Variants in RNF170 observed in about 807,000 individuals in gnomAD.
The protein encoded by RNF170 is E3 ubiquitin-protein ligase RNF170.
RNF170 carries 12 observed loss-of-function variants against 32.7 expected under a neutral mutation model. The observed-to-expected ratio is 0.37, with a 90% confidence interval of 0.24 to 0.60. The LOEUF is 0.60. Ranked by LOEUF, RNF170 falls within the 20% of genes least tolerant of loss-of-function variation. RNF170 has a pLI of 0.72. For synonymous variants in RNF170, 91 were observed against 103.6 expected (o/e 0.88, Z 0.74); for missense variants, 212 against 311.2 (o/e 0.68, Z 2.40).
chr8:42,889,143 A>G (rs1806086470), intron 1 of RNF170, among the ~76,000 whole-genome samples: 1 of 152,226 alleles, frequency 6.6e-6, no homozygotes, highest in Non-Finnish European at 1.5e-5. Flanking sequence ...GTGCTTGAAA[A>G]ACTATTTGTC....
At chr8:42,889,850 A>C (rs1352583493) in intron 1 of RNF170, among the ~76,000 whole-genome samples, 1 of 152,174 alleles carries the variant, frequency 6.6e-6, no homozygotes, top group Admixed American at 6.5e-5. Flanking sequence ...TTAGGTTTTT[A>C]TTTCATCAGG....
chr8:42,859,462 C>G (rs1180717820), intron 6 of RNF170, among the ~76,000 whole-genome samples: 1 of 151,914 alleles, frequency 6.6e-6, no homozygotes, highest in African/African-American at 2.4e-5. Context: ...TGGCAAAACC[C>G]AGTCTCTATA....
intron 4 of RNF170, among the ~76,000 whole-genome samples, chr8:42,868,727 CT>C (rs1393886029): frequency 1.3e-5 from 2 of 151,906 alleles, no homozygotes; most frequent in African/African-American, 4.8e-5. Context: ...TGGCAGGCGC[CT>C]GTAATCCTAG....
intron 6 of RNF170, among the ~76,000 whole-genome samples, chr8:42,856,741 A>C (rs929694733): frequency 1.3e-5 from 2 of 152,202 alleles, no homozygotes; most frequent in African/African-American, 4.8e-5. Flanking sequence ...CCTAGCGCGC[A>C]GGATTAGAGT....
Position 42,856,351 on chromosome 8 carries a change from GA to G in RNF170, c.584del (p.Phe195SerfsTer8). ...FREMFSVGGL[F>X]WMFRIRIILC... Reference sequence around the variant, plus strand: ...GTATTATCCTGATGCGAAACATCCAGAAAAGGCCCCCGACTGAAAACATTTC... The same window carrying G: ...GTATTATCCTGATGCGAAACATCCAGAAAGGCCCCCGACTGAAAACATTTC... On this transcript the variant is annotated frameshift_variant, in exon 7 of 7. Coordinates refer to ENST00000527424, the MANE Select transcript of RNF170 (RefSeq NM_030954.4). LOFTEE classifies it high-confidence loss of function. The G allele has an allele frequency of 1.9e-6, 3 of 1,593,780 alleles. No homozygotes were observed. Among genetic ancestry groups the G allele is most frequent in the Admixed American group, 1.9e-5 (1 of 53,732 alleles).
chr8:42,878,419 T>G (rs1805125110), intron 2 of RNF170, among the ~76,000 whole-genome samples: 1 of 152,146 alleles, frequency 6.6e-6, no homozygotes, highest in Admixed American at 6.6e-5. Context: ...GCAAAACAGC[T>G]TTATTGCTGA....
Position 42,854,497 on chromosome 8 carries a change from T to C in RNF170, c.*1662A>G. ...AATGAAAAGTATGTGAGAAACCTGC[T>C]TTAATTATAATGTGCTATGTTTAAG... On this transcript the variant is annotated 3_prime_UTR_variant, in exon 7 of 7. Transcript: ENST00000527424. 1 of 1,286,938 alleles carries C rather than the reference T, an allele frequency of 7.8e-7. No individual in the cohort carries two copies. Among genetic ancestry groups the C allele is most frequent in the Non-Finnish European group, 1.0e-6 (1 of 988,402 alleles). 79.7% of individuals were successfully genotyped at this position (1,286,938 alleles called of 1,614,324 possible).
chr8:42,889,190 T>C (rs1314807895), intron 1 of RNF170: 1 of 152,232 alleles, frequency 6.6e-6, no homozygotes, highest in Non-Finnish European at 1.5e-5. Flanking sequence ...TTCAGAATTC[T>C]TTGAACTGCT....
intron 1 of RNF170, among the ~76,000 whole-genome samples, chr8:42,890,606 T>C (rs983985512): frequency 6.6e-6 from 1 of 152,208 alleles, no homozygotes. Flanking sequence ...TATTGCTTCA[T>C]GTACATTTCC....
At chr8:42,883,279 A>C (rs982021786) in intron 2 of RNF170, among the ~76,000 whole-genome samples, 2 of 152,024 alleles carry the variant, frequency 1.3e-5, no homozygotes, top group African/African-American at 4.8e-5. Flanking sequence ...CTGCACACAC[A>C]CCCCCAAAAT....
chr8:42,860,970 G>A (rs1249873322), intron 6 of RNF170, among the ~76,000 whole-genome samples: 5 of 149,242 alleles, frequency 3.4e-5, no homozygotes, highest in African/African-American at 9.9e-5. Flanking sequence ...CACCCGCCTC[G>A]GCCTCCCAAA....
chr8:42,879,704 C>A (rs1805232344), intron 2 of RNF170, among the ~76,000 whole-genome samples: 1 of 151,554 alleles, frequency 6.6e-6, no homozygotes, highest in African/African-American at 2.4e-5. Context: ...GACAGAGTCT[C>A]ACCCTGTTGC....
chr8:42,852,569 C>A (rs913456669), downstream of RNF170, among the ~76,000 whole-genome samples: 9 of 152,034 alleles, frequency 5.9e-5, no homozygotes, highest in Non-Finnish European at 8.8e-5. Context: ...AGGTGCGTGC[C>A]ACCACACCTG....
intron 6 of RNF170, 43 bp from the exon 7 acceptor site, chr8:42,856,471 T>C (rs1231795261): frequency 1.0e-5 from 14 of 1,359,392 alleles, no homozygotes; most frequent in Non-Finnish European, 1.5e-5. Context: ...GCACCTAATG[T>C]GTCAGATTTC....
chr8:42,853,740 T>G lies in RNF170; in HGVS notation c.*2419A>C. ...AAAACTCTCAGATCCCTTCTGCATT[T>G]ATCATCAGAGATCGGTAAAGATGAC... On this transcript the variant is annotated 3_prime_UTR_variant, in exon 7 of 7. Transcript: ENST00000527424. 7.8e-7 allele frequency: 1 copy of G among 1,287,228 alleles called. No individual in the cohort carries two copies. The highest frequency in any genetic ancestry group is 1.0e-6 in the Non-Finnish European group (1 of 988,662). The allele number at this position is 1,287,228 out of a possible 1,614,324, so 79.7% of individuals were successfully genotyped here. A position where few individuals can be genotyped will look rare whatever the true frequency, so the allele number is the denominator to read the frequency against.
At chr8:42,888,518 T>C (rs890713659) in intron 1 of RNF170, among the ~76,000 whole-genome samples, 3 of 151,302 alleles carry the variant, frequency 2.0e-5, no homozygotes, top group African/African-American at 7.3e-5. Flanking sequence ...ATCCCAGCAT[T>C]ATGGGAGGCT....
intron 3 of RNF170, 142 bp from the exon 4 acceptor site, chr8:42,870,254 T>G: frequency 1.4e-6 from 1 of 708,024 alleles, no homozygotes; most frequent in South Asian, 1.5e-5. Context: ...AAGGTTATAA[T>G]TTTAAGAATG....
intron 2 of RNF170, among the ~76,000 whole-genome samples, chr8:42,881,825 C>G (rs1037029315): frequency 2.6e-5 from 4 of 151,934 alleles, no homozygotes; most frequent in South Asian, 2.1e-4. Context: ...ATCCCAGCTA[C>G]CCGGGAGGCT....
intron 1 of RNF170, among the ~76,000 whole-genome samples, chr8:42,895,502 C>CTCT (rs1806719334): frequency 6.6e-6 from 1 of 152,164 alleles, no homozygotes; most frequent in Non-Finnish European, 1.5e-5. Context: ...GTTATGCATA[C>CTCT]TCTACGCATC....
Sources: gnomAD v4.1 joint callset for allele counts (sites outside exome capture counted in the v4.1 genomes callset) on GRCh38, gnomAD v4.1.1 for gene constraint, MANE v1.5 for transcripts, NCBI Gene and HGNC (gene_info 2026-07-23, HGNC 2026-07-21) for gene names.